The following TCF12 variants were observed in gnomAD, a reference collection of about 807,000 sequenced individuals.
TCF12 encodes transcription factor 12.
In TCF12, 45 loss-of-function variants were observed where a neutral mutation model predicts 86.0. The ratio of observed to expected loss-of-function variants is 0.52; its 90% CI spans 0.41 to 0.67. TCF12 has a LOEUF of 0.67. Among genes scored for constraint, TCF12 ranks in the 30% least tolerant of loss-of-function variants. TCF12 has a pLI of 0.00. For missense variants in TCF12, 881 were observed against 859.9 expected (o/e 1.02, Z -0.31); for synonymous variants, 330 against 299.6 (o/e 1.10, Z -1.05).
intron 5 of TCF12, among the ~76,000 whole-genome samples, chr15:57,141,539 G>A (rs554021864): frequency 3.3e-5 from 5 of 152,070 alleles, no homozygotes; most frequent in African/African-American, 1.2e-4. Flanking sequence ...AGTAGAGGTG[G>A]GATTTCTCCA....
chr15:57,000,817 A>G (rs1452879555), intron 3 of TCF12, among the ~76,000 whole-genome samples: 1 of 151,902 alleles, frequency 6.6e-6, no homozygotes, highest in Non-Finnish European at 1.5e-5. Flanking sequence ...ATTTGTGTCA[A>G]ATTTACCATT....
At chr15:56,955,131 G>A (rs1209819044) in intron 3 of TCF12, among the ~76,000 whole-genome samples, 3 of 152,178 alleles carry the variant, frequency 2.0e-5, no homozygotes, top group Non-Finnish European at 4.4e-5. Flanking sequence ...ATTCACAATA[G>A]CACATACTTG....
intron 8 of TCF12, among the ~76,000 whole-genome samples, chr15:57,206,802 C>A (rs764793089): frequency 2.0e-5 from 3 of 150,396 alleles, no homozygotes; most frequent in Non-Finnish European, 4.4e-5. Flanking sequence ...TTTCCTGTTC[C>A]AACTTTCTGA....
chr15:57,137,081 G>A (rs1336676518), intron 5 of TCF12, among the ~76,000 whole-genome samples: 2 of 141,834 alleles, frequency 1.4e-5, no homozygotes, highest in Non-Finnish European at 3.0e-5. Flanking sequence ...CCGGGTTCAC[G>A]CCATTTTCCT....
In TCF12 at chr15:57,231,250, T is replaced by C; in HGVS notation, c.678T>C (p.Phe226=). Residue 226 remains phenylalanine (F), a synonymous_variant, in exon 9 of 21, where the codon TTT becomes TTC. Transcript: ENST00000333725. The stretch of plus-strand genomic sequence containing the variant: ...CCAGTATGTTCGCTAGCACTTTCTT[T>C]ATGCAAGGTAAGTACTACCAAACAA... ...PPTSMFASTF[F]MQDGTHNSSD... The C allele has an allele frequency of 6.2e-7, 1 of 1,609,332 alleles. No individual in the cohort carries two copies. Among genetic ancestry groups the C allele is most frequent in the Non-Finnish European group, 8.5e-7 (1 of 1,175,890 alleles).
At chr15:56,973,444 T>C (rs1344540555) in intron 3 of TCF12, among the ~76,000 whole-genome samples, 1 of 152,052 alleles carries the variant, frequency 6.6e-6, no homozygotes, top group African/African-American at 2.4e-5. Flanking sequence ...AAATAAATAA[T>C]AATAGTGATG....
intron 4 of TCF12, among the ~76,000 whole-genome samples, chr15:57,067,417 G>A (rs2068975020): frequency 6.6e-6 from 1 of 151,170 alleles, no homozygotes; most frequent in South Asian, 2.1e-4. Flanking sequence ...GTGGGCGCCT[G>A]TAGTCCCAGC....
chr15:57,022,134 G>A (rs1415170433), intron 3 of TCF12, among the ~76,000 whole-genome samples: 1 of 151,972 alleles, frequency 6.6e-6, no homozygotes, highest in East Asian at 1.9e-4. Flanking sequence ...TTGATACACA[G>A]GTATACATGT....
intron 5 of TCF12, among the ~76,000 whole-genome samples, chr15:57,104,435 CTTTTTTTTTTTTTT>C (rs71113062): frequency 9.7e-6 from 1 of 103,362 alleles, no homozygotes. Flanking sequence ...TTTTTTTTTT[CTTTTTTTTTTTTTT>C]TTTTTTTTTT....
chr15:56,957,678 A>G (rs1567163653), intron 3 of TCF12, among the ~76,000 whole-genome samples: 1 of 152,106 alleles, frequency 6.6e-6, no homozygotes, highest in Non-Finnish European at 1.5e-5. Context: ...CTTAGATTTA[A>G]TTGATTAATT....
chr15:57,251,201 G>A (rs1311366046), intron 13 of TCF12, 149 bp from the exon 14 acceptor site: 7 of 535,748 alleles, frequency 1.3e-5, no homozygotes, highest in Non-Finnish European at 2.3e-5. Context: ...AATGTGTTGG[G>A]CTTATAAGTA....
chr15:57,145,085 C>G (rs1311061360), intron 5 of TCF12, among the ~76,000 whole-genome samples: 2 of 152,116 alleles, frequency 1.3e-5, no homozygotes, highest in Admixed American at 1.3e-4. Flanking sequence ...AAAATAAGAA[C>G]ATCCCTTATT....
chr15:57,066,381 C>G (rs552285201), intron 4 of TCF12, among the ~76,000 whole-genome samples: 201 of 152,118 alleles, frequency 1.3e-3, no homozygotes, highest in Non-Finnish European at 2.5e-3. Context: ...TTAATGTTGG[C>G]TAAAGACTAG....
chr15:57,004,259 G>C (rs1216879741), intron 3 of TCF12, among the ~76,000 whole-genome samples: 3 of 149,096 alleles, frequency 2.0e-5, no homozygotes, highest in African/African-American at 5.0e-5. Flanking sequence ...TTGAGATGGA[G>C]TTTTGCTCTT....
intron 5 of TCF12, among the ~76,000 whole-genome samples, chr15:57,130,199 T>C (rs1314166903): frequency 6.6e-6 from 1 of 152,222 alleles, no homozygotes; most frequent in Non-Finnish European, 1.5e-5. Flanking sequence ...TTTGGATGAA[T>C]GTCTTGATGC....
intron 3 of TCF12, among the ~76,000 whole-genome samples, chr15:57,028,892 G>T (rs1175891375): frequency 6.6e-6 from 1 of 151,688 alleles, no homozygotes; most frequent in African/African-American, 2.4e-5. Context: ...TCTCCCTCCC[G>T]GTTCAAGCGA....
intron 5 of TCF12, among the ~76,000 whole-genome samples, chr15:57,147,947 C>T (rs533339152): frequency 1.2e-4 from 18 of 149,052 alleles, no homozygotes; most frequent in African/African-American, 4.0e-4. Context: ...GTGGTGTGGT[C>T]ATAGCTCATT....
chr15:57,074,596 C>T (rs1043021286), intron 4 of TCF12, among the ~76,000 whole-genome samples: 3 of 152,144 alleles, frequency 2.0e-5, no homozygotes, highest in African/African-American at 4.8e-5. Flanking sequence ...CAGCCTTGAC[C>T]TCCCAGGCTC....
intron 3 of TCF12, among the ~76,000 whole-genome samples, chr15:57,011,755 A>T (rs1454275402): frequency 6.6e-6 from 1 of 152,102 alleles, no homozygotes; most frequent in Non-Finnish European, 1.5e-5. Context: ...ACCCTCAAGA[A>T]ACCCCCAGTG....
Sources: gnomAD v4.1 joint callset for allele counts (sites outside exome capture counted in the v4.1 genomes callset) on GRCh38, gnomAD v4.1.1 for gene constraint, MANE v1.5 for transcripts, NCBI Gene and HGNC (gene_info 2026-07-23, HGNC 2026-07-21) for gene names.